AMY2A: variants seen among roughly 807,000 people sequenced by gnomAD.
The protein encoded by AMY2A is amylase alpha 2A.
Under a neutral mutation model 43.0 loss-of-function variants are expected in AMY2A, and 16 were observed. The observed-to-expected ratio is 0.37, with a 90% confidence interval of 0.25 to 0.56. The LOEUF (loss-of-function observed/expected upper bound fraction) is 0.56, where lower values mean the gene tolerates loss of function less well. Ranked by LOEUF, AMY2A falls within the 20% of genes least tolerant of loss-of-function variation. The pLI is 0.77. For synonymous variants in AMY2A, 70 were observed against 144.6 expected, an observed-to-expected ratio of 0.48 and a Z score of 3.70; for missense variants, 212 against 456.8, an observed-to-expected ratio of 0.46 and a Z score of 4.89.
chr1:103,617,285 T>C, upstream of AMY2A: 1 of 1,424,580 alleles, frequency 7.0e-7, no homozygotes, highest in Admixed American at 2.2e-5. Context: ...TTTGATGTTC[T>C]TTACCTGTTA....
In AMY2A at chr1:103,619,106, C is replaced by G; in HGVS notation, c.511C>G (p.Gln171Glu). Residue 171 changes from glutamine to glutamate, a missense_variant and splice_region_variant, in exon 3 of 10, where the codon CAG (glutamine) becomes GAG (glutamate). Gln to Glu is a conservative substitution (Grantham distance 29). Around this residue, in one of 2 missense-constraint regions of AMY2A, gnomAD observed 199 missense variants for 210.6 expected, o/e 0.94. Coordinates refer to ENST00000414303, the MANE Select transcript of AMY2A (RefSeq NM_000699.4). ...GDIENYNDATQVRDCRLTGLL... is the reference protein window; with the variant it reads ...GDIENYNDATEVRDCRLTGLL... ...TATCGAGAACTACAATGATGCTACTCAGGTAATTTTTTTACGAGAGTGATC... is the reference window on the plus strand; with the variant it reads ...TATCGAGAACTACAATGATGCTACTGAGGTAATTTTTTTACGAGAGTGATC... 3.8e-6 allele frequency: 4 copies of G among 1,061,900 alleles called. No homozygotes were observed. Among genetic ancestry groups the G allele is most frequent in the Non-Finnish European group, 5.3e-6 (4 of 757,888 alleles). 65.8% of individuals were successfully genotyped at this position (1,061,900 alleles called of 1,614,324 possible).
In AMY2A at chr1:103,617,488, G is replaced by A. The variant is rs1363983568; in HGVS notation, c.48G>A (p.Gln16=). The change falls in exon 1 of 10, where the codon CAG becomes CAA. Residue 16 remains glutamine (Q), a synonymous_variant. Coordinates refer to ENST00000414303, the MANE Select transcript of AMY2A (RefSeq NM_000699.4). ...TCACCATTGGGTTCTGCTGGGCTCAGTATTCCCCAAATACACAACAAGGAC... is the reference window on the plus strand; with the variant it reads ...TCACCATTGGGTTCTGCTGGGCTCAATATTCCCCAAATACACAACAAGGAC... ...LLFTIGFCWA[Q]YSPNTQQGRT... 4.4e-6 allele frequency: 7 copies of A among 1,600,690 alleles called. No individual in the cohort carries two copies. Among genetic ancestry groups the A allele is most frequent in the Non-Finnish European group, 6.0e-6 (7 of 1,170,812 alleles).
In AMY2A at chr1:103,617,473, G is replaced by C; in HGVS notation, c.33G>C (p.Gly11=). Residue 11 remains glycine, a synonymous_variant, in exon 1 of 10, where the codon GGG becomes GGC. Transcript: ENST00000414303. MKFFLLLFTI[G]FCWAQYSPNT... is the part of the protein sequence containing the mutation. The stretch of plus-strand genomic sequence containing the variant: ...TCTTTCTGTTGCTTTTCACCATTGG[G>C]TTCTGCTGGGCTCAGTATTCCCCAA... The C allele has an allele frequency of 6.2e-7, 1 of 1,600,642 alleles. No individual in the cohort carries two copies. The highest frequency in any genetic ancestry group is 8.5e-7 in the Non-Finnish European group (1 of 1,170,688).
chr1:103,617,213 C>T (rs1415198404), upstream of AMY2A, among the ~76,000 whole-genome samples: 3 of 150,448 alleles, frequency 2.0e-5, no homozygotes, highest in Non-Finnish European at 4.5e-5. Flanking sequence ...AAAAGTGCTG[C>T]CAGAACCTAA....
At chr1:103,617,887 T>C (rs1653122662) in intron 1 of AMY2A, 67 bp from the exon 2 acceptor site, 2 of 1,595,460 alleles carry the variant, frequency 1.3e-6, no homozygotes, top group East Asian at 4.5e-5. Flanking sequence ...ATTGATTAGT[T>C]TCTAGAACAT....
At position 103,617,547 on chromosome 1, in the gene AMY2A, G is replaced by A. The variant is rs1187722012; in HGVS notation, c.107G>A (p.Trp36Ter). The part of the protein sequence containing the change: ...TSIVHLFEWR[W>*]VDIALECERY... ...ATTGTTCATCTGTTTGAATGGCGATGGGTTGATATTGCTCTTGAATGTGAG... is the reference window on the plus strand; with the variant it reads ...ATTGTTCATCTGTTTGAATGGCGATAGGTTGATATTGCTCTTGAATGTGAG... Residue 36 changes from tryptophan (W) to a stop codon, truncating the protein, a stop_gained, in exon 1 of 10, where the codon TGG (tryptophan) becomes TAG (stop). Transcript: ENST00000414303. LOFTEE classifies it high-confidence loss of function. 1.9e-6 allele frequency: 3 copies of A among 1,600,706 alleles called. No homozygotes were observed. In the African/African-American group the frequency reaches 4.0e-5, roughly 21 times the overall value.
chr1:103,618,190 C>A, intron 2 of AMY2A, 90 bp downstream of exon 2: 3 of 1,494,186 alleles, frequency 2.0e-6, no homozygotes, highest in African/African-American at 1.4e-5. Flanking sequence ...GAAAATTTTC[C>A]GTATTTTATT....
At chr1:103,619,989 T>C (rs1202670891) in intron 4 of AMY2A, among the ~76,000 whole-genome samples, 1 of 151,556 alleles carries the variant, frequency 6.6e-6, no homozygotes, top group Non-Finnish European at 1.5e-5. Context: ...TGTAGGATAC[T>C]GATAATAGTT....
At chr1:103,617,635 C>G (rs138672248) in intron 1 of AMY2A, 27 bp downstream of exon 1, 1 of 1,600,784 alleles carries the variant, frequency 6.2e-7, no homozygotes, top group Admixed American at 1.7e-5. Context: ...GTATCAATTG[C>G]GGAATTCACT....
At position 103,621,108 on chromosome 1, in the gene AMY2A, ATCTAGTTTGATTAAACTAGATTGG is replaced by A. The variant is rs1326545954; in HGVS notation, c.879-446_879-423del. 5.5e-4 allele frequency among the ~76,000 whole-genome samples: 2 copies of A among 3,654 alleles called. 1 individual carries two copies. Among genetic ancestry groups the A allele is most frequent in the Non-Finnish European group, 8.3e-4 (2 of 2,420 alleles). 2.4% of individuals were successfully genotyped at this position (3,654 alleles called of 152,430 possible). On this transcript the variant is annotated intron_variant, in intron 5 of 9. Transcript: ENST00000414303. ...AATACAGTATTGAAGCCTTATTTTA[ATCTAGTTTGATTAAACTAGATTGG>A]TCTAGTTTGATTAAACTAGATTAAA...
upstream of AMY2A, chr1:103,617,270 G>A (rs1653102292): frequency 7.4e-7 from 1 of 1,353,840 alleles, no homozygotes; most frequent in East Asian, 2.4e-5. Context: ...TTCCATGAGA[G>A]ACTTTTTGAT....
upstream of AMY2A, chr1:103,617,047 C>T (rs1393145958): frequency 3.1e-6 from 3 of 976,148 alleles, no homozygotes; most frequent in Non-Finnish European, 2.5e-6. Flanking sequence ...GGAAGGGGTT[C>T]GCATTTATAC....
At chr1:103,617,286 T>C, upstream of AMY2A, 2 of 1,425,780 alleles carry the variant, frequency 1.4e-6, no homozygotes, top group Non-Finnish European at 1.9e-6. Flanking sequence ...TTGATGTTCT[T>C]TACCTGTTAG....
At position 103,618,101 on chromosome 1, in the gene AMY2A, G is replaced by A. The variant is rs748461150; in HGVS notation, c.315+1G>A. The A allele has an allele frequency of 1.4e-5, 23 of 1,595,470 alleles. 3 individuals carry two copies. The highest frequency in any genetic ancestry group is 1.8e-5 in the Non-Finnish European group (21 of 1,167,120). Reference sequence around the variant, plus strand: ...GGTGACTAGATGTAACAATGTTGGGGTAAGTGAATTCTAGTTTCCTTTAAA... The same window carrying A: ...GGTGACTAGATGTAACAATGTTGGGATAAGTGAATTCTAGTTTCCTTTAAA... On this transcript the variant is annotated splice_donor_variant, in intron 2 of 9. Transcript: ENST00000414303. LOFTEE classifies it high-confidence loss of function.
intron 2 of AMY2A, 142 bp from the exon 3 acceptor site, chr1:103,618,769 A>T: frequency 6.7e-7 from 1 of 1,491,908 alleles, no homozygotes; most frequent in Non-Finnish European, 9.1e-7. Context: ...TTCACAGTTG[A>T]TTTTTGATCT....
chr1:103,617,705 A>C, intron 1 of AMY2A, 97 bp downstream of exon 1: 2 of 1,589,996 alleles, frequency 1.3e-6, no homozygotes, highest in Admixed American at 1.7e-5. Flanking sequence ...ATTTTACTTC[A>C]CAGGTAAGTA....
chr1:103,617,138 T>A, upstream of AMY2A: 1 of 965,538 alleles, frequency 1.0e-6, no homozygotes, highest in Non-Finnish European at 1.4e-6. Flanking sequence ...GACAACAAAT[T>A]TTGGTTTTCT....
chr1:103,616,680 G>A (rs1653085931), upstream of AMY2A: 1 of 151,058 alleles, frequency 6.6e-6, no homozygotes, highest in South Asian at 2.1e-4. Context: ...ATTGTAGAAT[G>A]TGTTGCTGAT....
intron 2 of AMY2A, 84 bp downstream of exon 2, chr1:103,618,184 A>AT: frequency 1.3e-6 from 2 of 1,504,552 alleles, no homozygotes; most frequent in Non-Finnish European, 1.8e-6. Context: ...TCAGCAGAAA[A>AT]TTTTCCGTAT....
Sources: gnomAD v4.1 joint callset for allele counts (sites outside exome capture counted in the v4.1 genomes callset) on GRCh38, gnomAD v4.1.1 for gene constraint, gnomAD v4.1.1 regional missense constraint, MANE v1.5 for transcripts, NCBI Gene and HGNC (gene_info 2026-07-23, HGNC 2026-07-21) for gene names.